Variants in LIX1 observed in about 807,000 individuals in gnomAD.
LIX1 encodes the protein protein limb expression 1 homolog.
LIX1 carries 24 observed loss-of-function variants against 33.4 expected under a neutral mutation model. That is an observed-to-expected ratio of 0.72 (90% CI 0.52 to 1.01). LIX1 has a LOEUF of 1.01. Among genes scored for constraint, LIX1 ranks in the 50% least tolerant of loss-of-function variants. The probability of loss-of-function intolerance (pLI) is 0.00; values close to 1 mark genes in which losing one functional copy is unlikely to be tolerated. For synonymous variants in LIX1, 124 were observed against 124.0 expected (o/e 1.00, Z 0.00); for missense variants, 311 against 339.2 (o/e 0.92, Z 0.65).
intron 4 of LIX1, among the ~76,000 whole-genome samples, chr5:97,104,420 C>G (rs1328937255): frequency 6.6e-6 from 1 of 152,282 alleles, no homozygotes; most frequent in East Asian, 1.9e-4. Context: ...TTCTATCTGT[C>G]CAGCCTGATA....
intron 1 of LIX1, among the ~76,000 whole-genome samples, chr5:97,128,826 G>A (rs757080602): frequency 9.9e-5 from 15 of 151,960 alleles, no homozygotes; most frequent in Non-Finnish European, 1.3e-4. Context: ...AGTCTATACT[G>A]CCATTACTGC....
chr5:97,134,133 T>A (rs1014170394), intron 1 of LIX1, among the ~76,000 whole-genome samples: 1 of 152,112 alleles, frequency 6.6e-6, no homozygotes, highest in South Asian at 2.1e-4. Context: ...ATATATATAT[T>A]TTTTGAGATG....
chr5:97,141,286 TA>T (rs780608234), intron 1 of LIX1, among the ~76,000 whole-genome samples: 1 of 152,154 alleles, frequency 6.6e-6, no homozygotes, highest in East Asian at 1.9e-4. Context: ...CCTTTTCGCT[TA>T]AAAAACATAA....
At chr5:97,112,189 C>T (rs1342025021) in intron 2 of LIX1, among the ~76,000 whole-genome samples, 2 of 152,228 alleles carry the variant, frequency 1.3e-5, no homozygotes, top group Non-Finnish European at 2.9e-5. Context: ...AATGGGACCT[C>T]TCAGCCCATA....
At chr5:97,109,832 AAC>A (rs896207628) in intron 2 of LIX1, among the ~76,000 whole-genome samples, 2 of 151,978 alleles carry the variant, frequency 1.3e-5, no homozygotes, top group African/African-American at 4.8e-5. Flanking sequence ...TATATGTGAA[AAC>A]ACAATATTTG....
intron 1 of LIX1, among the ~76,000 whole-genome samples, chr5:97,141,138 A>G (rs1392635159): frequency 6.6e-6 from 1 of 151,610 alleles, no homozygotes; most frequent in African/African-American, 2.4e-5. Flanking sequence ...TTTTTTTTTT[A>G]ACTGCTTCCC....
chr5:97,125,579 C>T (rs1346429779), intron 1 of LIX1, among the ~76,000 whole-genome samples: 2 of 152,210 alleles, frequency 1.3e-5, no homozygotes, highest in African/African-American at 4.8e-5. Context: ...TAGGAGTGAA[C>T]TGAAATCTGC....
At chr5:97,141,115 A>G (rs1007139373) in intron 1 of LIX1, among the ~76,000 whole-genome samples, 1 of 145,576 alleles carries the variant, frequency 6.9e-6, no homozygotes, top group African/African-American at 2.5e-5. Context: ...GCCAGTGAAA[A>G]ACGTCCCCCC....
At chr5:97,115,756 TAAA>T (rs35264000) in intron 2 of LIX1, among the ~76,000 whole-genome samples, 1 of 140,034 alleles carries the variant, frequency 7.1e-6, no homozygotes. Context: ...GAAGCAGGAT[TAAA>T]AAAAAAAAAA....
chr5:97,117,616 T>G (rs1046346485), intron 2 of LIX1, among the ~76,000 whole-genome samples: 5 of 152,222 alleles, frequency 3.3e-5, no homozygotes, highest in African/African-American at 1.2e-4. Flanking sequence ...ATAAAACGCG[T>G]TTTTATGTCT....
intron 3 of LIX1, among the ~76,000 whole-genome samples, chr5:97,107,004 C>T (rs1036101033): frequency 1.3e-5 from 2 of 152,094 alleles, no homozygotes; most frequent in African/African-American, 2.4e-5. Context: ...AAATGGAGCT[C>T]GTTTTCCACT....
In LIX1 at chr5:97,093,000, G is replaced by A. The variant is rs892611190; in HGVS notation, c.*1748C>T. Reference sequence around the variant, plus strand: ...GGGTGACATTTAGCCTCATTGTGGAGAGGAATGTAACTTTTGTTAAAATAA... The same window carrying A: ...GGGTGACATTTAGCCTCATTGTGGAAAGGAATGTAACTTTTGTTAAAATAA... On this transcript the variant is annotated 3_prime_UTR_variant, in exon 6 of 6. Coordinates refer to ENST00000274382, the MANE Select transcript of LIX1 (RefSeq NM_153234.5). The A allele has an allele frequency of 2.6e-5, 4 of 152,314 alleles. No homozygotes were observed. Among genetic ancestry groups the A allele is most frequent in the Admixed American group, 6.5e-5 (1 of 15,278 alleles). The allele number at this position is 152,314 out of a possible 1,614,324, so 9.4% of individuals were successfully genotyped here.
chr5:97,130,000 A>G (rs181588119), intron 1 of LIX1, among the ~76,000 whole-genome samples: 75 of 152,374 alleles, frequency 4.9e-4, no homozygotes, highest in African/African-American at 1.7e-3. Context: ...CATGTTTCCA[A>G]CTTGGAATTG....
intron 1 of LIX1, among the ~76,000 whole-genome samples, chr5:97,127,261 G>A (rs1035962049): frequency 7.9e-5 from 12 of 152,194 alleles, no homozygotes; most frequent in African/African-American, 2.9e-4. Context: ...ACCCATGATA[G>A]TCTAGGTAAA....
In LIX1 at chr5:97,094,832, G is replaced by A; in HGVS notation, c.765C>T (p.Ala255=). ...CAGGGTCACTGCAGATCTGAGTCAG[G>A]GCTAAGCTCAATATTTCTTTCTTTT... ...YKEKKEILSL[A]LTQICSDPDT... Residue 255 remains alanine (A), a synonymous_variant, in exon 6 of 6, where the codon GCC becomes GCT. Coordinates refer to ENST00000274382, the MANE Select transcript of LIX1 (RefSeq NM_153234.5). 2 of 1,614,162 alleles carry A rather than the reference G, an allele frequency of 1.2e-6. No individual in the cohort carries two copies. Among genetic ancestry groups the A allele is most frequent in the Non-Finnish European group, 1.7e-6 (2 of 1,180,036 alleles).
chr5:97,136,130 G>A (rs1029749882), intron 1 of LIX1, among the ~76,000 whole-genome samples: 2 of 152,176 alleles, frequency 1.3e-5, no homozygotes, highest in African/African-American at 2.4e-5. Context: ...TAGATCTAAT[G>A]GATGAATGTA....
intron 2 of LIX1, among the ~76,000 whole-genome samples, chr5:97,117,855 G>T (rs1346229521): frequency 6.6e-6 from 1 of 151,672 alleles, no homozygotes; most frequent in Admixed American, 6.6e-5. Flanking sequence ...CATCTGCACT[G>T]TGTGCCACCC....
At chr5:97,128,542 A>G (rs780927761) in intron 1 of LIX1, among the ~76,000 whole-genome samples, 19 of 152,026 alleles carry the variant, frequency 1.2e-4, no homozygotes, top group Non-Finnish European at 2.2e-4. Flanking sequence ...TGCATCTCCA[A>G]TTTTGTTATC....
chr5:97,110,495 A>G (rs900082511), intron 2 of LIX1, among the ~76,000 whole-genome samples: 10 of 152,054 alleles, frequency 6.6e-5, no homozygotes, highest in Admixed American at 1.3e-4. Flanking sequence ...CTGGAGTGCA[A>G]TGGCGTGATC....
Sources: allele counts gnomAD v4.1 joint callset (sites outside exome capture counted in the v4.1 genomes callset), GRCh38; gene constraint gnomAD v4.1.1; transcripts MANE v1.5; gene names NCBI Gene and HGNC (gene_info 2026-07-23, HGNC 2026-07-21).